The following DCXR variants were observed in gnomAD, a reference collection of about 807,000 sequenced individuals.
DCXR encodes L-xylulose reductase.
Under a neutral mutation model 25.9 loss-of-function variants are expected in DCXR, and 24 were observed. That is an observed-to-expected ratio of 0.93 (90% CI 0.67 to 1.30). The LOEUF (loss-of-function observed/expected upper bound fraction) is 1.30, where lower values mean the gene tolerates loss of function less well. Among genes scored for constraint, DCXR ranks in the 50% most tolerant of loss-of-function variants. DCXR has a pLI of 0.00. For synonymous variants in DCXR, 161 were observed against 141.7 expected, an observed-to-expected ratio of 1.14 and a Z score of -0.97; for missense variants, 348 against 333.7, an observed-to-expected ratio of 1.04 and a Z score of -0.33.
Position 82,036,304 on chromosome 17 carries a change from C to A in DCXR, c.518G>T (p.Arg173Leu), listed in dbSNP as rs140187930. Residue 173 changes from arginine (R) to leucine (L), a missense_variant, in exon 7 of 8, where the codon CGA (arginine) becomes CTA (leucine). By Grantham distance (102) the Arg-to-Leu change is moderately radical (BLOSUM62 -2). Transcript: ENST00000306869. Reference protein sequence around the residue: ...MALELGPHKIRVNAVNPTVVM... With the variant: ...MALELGPHKILVNAVNPTVVM... ...CACTGTGGGGTTTACTGCATTCACT[C>A]GGATCTACACCGGGACAGCTGGGGT... is the stretch of plus-strand genomic sequence containing the variant. 6.8e-7 allele frequency: 1 copy of A among 1,463,452 alleles called. No individual in the cohort carries two copies. The highest frequency in any genetic ancestry group is 1.7e-5 in the African/African-American group (1 of 57,482). The allele number at this position is 1,463,452 out of a possible 1,614,324, so 90.7% of individuals were successfully genotyped here.
Position 82,037,686 on chromosome 17 carries a change from G to C in DCXR, c.-4C>G, listed in dbSNP as rs1283885523. On this transcript the variant is annotated 5_prime_UTR_variant, in exon 1 of 8. Transcript: ENST00000306869. ...GGCCCGCGAGGAACAGCTCCATGTCGGCGCAGTCTCCGCCCTCCGCACTGG... is the reference window on the plus strand; with the variant it reads ...GGCCCGCGAGGAACAGCTCCATGTCCGCGCAGTCTCCGCCCTCCGCACTGG... 4 of 1,589,248 alleles carry C rather than the reference G, an allele frequency of 2.5e-6. No homozygotes were observed. Among genetic ancestry groups the C allele is most frequent in the East Asian group, 2.3e-5 (1 of 44,426 alleles).
intron 2 of DCXR, 106 bp from the exon 3 acceptor site, chr17:82,037,119 G>A: frequency 1.4e-6 from 2 of 1,419,470 alleles, no homozygotes; most frequent in East Asian, 2.5e-5. Context: ...GGAGTTAGGA[G>A]TTCCGAAGGT....
intron 5 of DCXR, 37 bp from the exon 6 acceptor site, chr17:82,036,485 C>CGGTGATGAGGGCGAGGCTGGGGCT (rs761071627): frequency 6.2e-7 from 1 of 1,612,172 alleles, no homozygotes; most frequent in Non-Finnish European, 8.5e-7. Flanking sequence ...GGGCTGGGGT[C>CGGTGATGAGGGCGAGGCTGGGGCT]GGTGATGAGG....
rs778134574 is a variant in DCXR at position 82,037,454 on chromosome 17, C to A, written c.146G>T (p.Arg49Leu). 1 of 1,527,666 alleles carries A rather than the reference C, an allele frequency of 6.5e-7. No homozygotes were observed. Among genetic ancestry groups the A allele is most frequent in the South Asian group, 1.2e-5 (1 of 83,122 alleles). The allele number at this position is 1,527,666 out of a possible 1,614,324, so 94.6% of individuals were successfully genotyped here. The change falls in exon 2 of 8, where the codon CGC becomes CTC. Residue 49 changes from arginine to leucine, a missense_variant. Transcript: ENST00000306869. The stretch of plus-strand genomic sequence containing the variant: ...CTGGGACCCGGCGGGACCTACCTCG[C>A]GGACAAGGCTGTCAAGATCCGCCTG... ...RTQADLDSLVRECPGIEPVCV... is the reference protein window; with the variant it reads ...RTQADLDSLVLECPGIEPVCV...
chr17:82,036,635 G>A lies in DCXR; in HGVS notation c.357C>T (p.Ala119=). The change falls in exon 5 of 8, where the codon GCC becomes GCT. Residue 119 remains alanine (A), a synonymous_variant. Transcript: ENST00000306869. ...GGACTCCCCGGGCTATTAAGCCCCT[G>A]GCCACAATCTGGAATCGCAGCGAGA... is the stretch of plus-strand genomic sequence containing the variant. The part of the protein sequence containing the change: ...RAVIQVSQIV[A]RGLIARGVPG... The A allele has an allele frequency of 1.2e-6, 2 of 1,613,298 alleles. No homozygotes were observed. The highest frequency in any genetic ancestry group is 1.7e-6 in the Non-Finnish European group (2 of 1,179,976).
intron 2 of DCXR, 64 bp downstream of exon 2, chr17:82,037,386 C>A: frequency 6.8e-7 from 1 of 1,468,522 alleles, no homozygotes; most frequent in Non-Finnish European, 9.1e-7. Flanking sequence ...GAGGTACCGC[C>A]CCCGCTCGCT....
chr17:82,036,238 T>TG lies in DCXR; in HGVS notation c.583dup (p.His195ProfsTer17), dbSNP rs747887427. On this transcript the variant is annotated frameshift_variant, in exon 7 of 8. Transcript: ENST00000306869. LOFTEE classifies it high-confidence loss of function. ...TCGGTTCAGCATAGTCTTGGCCTTG[T>TG]GGGGGTCACTCCAGGTGGCCTGGCC... The TG allele has an allele frequency of 6.8e-6, 11 of 1,613,626 alleles. No individual in the cohort carries two copies. The highest frequency in any genetic ancestry group is 1.3e-5 in the African/African-American group (1 of 75,026).
In DCXR at chr17:82,037,481, G is replaced by A. The variant is rs949500817; in HGVS notation, c.119C>T (p.Thr40Ile). 6 of 1,535,728 alleles carry A rather than the reference G, an allele frequency of 3.9e-6. No individual in the cohort carries two copies. The African/African-American group carries it at 5.6e-5, about 14-fold the overall frequency. The change falls in exon 2 of 8, where the codon ACT becomes ATT. Residue 40 changes from threonine to isoleucine, a missense_variant. Coordinates refer to ENST00000306869, the MANE Select transcript of DCXR (RefSeq NM_016286.4). ...TGARVVAVSRTQADLDSLVRE... is the reference protein window; with the variant it reads ...TGARVVAVSRIQADLDSLVRE... ...GACAAGGCTGTCAAGATCCGCCTGAGTCCGGCTCACAGCCACCACCCGCGC... is the reference window on the plus strand; with the variant it reads ...GACAAGGCTGTCAAGATCCGCCTGAATCCGGCTCACAGCCACCACCCGCGC...
chr17:82,037,611 C>A lies in DCXR; in HGVS notation c.52+20G>T. The A allele has an allele frequency of 6.4e-7, 1 of 1,558,030 alleles. No individual in the cohort carries two copies. The highest frequency in any genetic ancestry group is 8.6e-7 in the Non-Finnish European group (1 of 1,164,638). On this transcript the variant is annotated intron_variant, in intron 1 of 7. Coordinates refer to ENST00000306869, the MANE Select transcript of DCXR (RefSeq NM_016286.4). ...CCTCTGCCCGCCGCCGGCCTTTGCC[C>A]ACCTTTCCCCGCCGCCCACCTTTGC...
Position 82,035,902 on chromosome 17 carries a change from T to G in DCXR, c.*58A>C. ...AGTCTGGGCAGCAGAATCAGGTTTA[T>G]TGGAGGGATTGGGGGTAGGATGAGC... On this transcript the variant is annotated 3_prime_UTR_variant, in exon 8 of 8. Transcript: ENST00000306869. 1.4e-6 allele frequency: 2 copies of G among 1,430,158 alleles called. No homozygotes were observed. Among genetic ancestry groups the G allele is most frequent in the Non-Finnish European group, 2.0e-6 (2 of 1,020,038 alleles). The allele number at this position is 1,430,158 out of a possible 1,614,324, so 88.6% of individuals were successfully genotyped here.
chr17:82,036,346 G>T, intron 6 of DCXR, 38 bp from the exon 7 acceptor site: 1 of 1,613,208 alleles, frequency 6.2e-7, no homozygotes, highest in Non-Finnish European at 8.5e-7. Flanking sequence ...GGCAAGTGGG[G>T]TGTCCTAGGT....
Position 82,037,585 on chromosome 17 carries a change from GCCTCTGCCCGCCGCCGGCCTTTGCCCA to G in DCXR, c.52+19_53-39del, listed in dbSNP as rs778541900. On this transcript the variant is annotated intron_variant, in intron 1 of 7. Coordinates refer to ENST00000306869, the MANE Select transcript of DCXR (RefSeq NM_016286.4). Reference sequence around the variant, plus strand: ...GGCTCAGTGAAGGCGTCCCCTGCCCGCCTCTGCCCGCCGCCGGCCTTTGCCCACCTTTCCCCGCCGCCCACCTTTGCC... The same window carrying G: ...GGCTCAGTGAAGGCGTCCCCTGCCCGCCTTTCCCCGCCGCCCACCTTTGCC... 1.2e-5 allele frequency: 19 copies of G among 1,551,356 alleles called. No individual in the cohort carries two copies. Among genetic ancestry groups the G allele is most frequent in the Non-Finnish European group, 1.6e-5 (18 of 1,155,702 alleles).
At position 82,037,535 on chromosome 17, in the gene DCXR, C is replaced by A; in HGVS notation, c.65G>T (p.Gly22Val). Residue 22 changes from glycine (G) to valine (V), a missense_variant, in exon 2 of 8, where the codon GGC becomes GTC. By Grantham distance (109) the Gly-to-Val change is moderately radical. Coordinates refer to ENST00000306869, the MANE Select transcript of DCXR (RefSeq NM_016286.4). The stretch of plus-strand genomic sequence containing the variant: ...CGTCGCGTGCAGCGCCTGGACCGTG[C>A]CGCGCCCTATACCTGCCGGGAGCGG... Reference protein sequence around the residue: ...VTGAGKGIGRGTVQALHATGA... With the variant: ...VTGAGKGIGRVTVQALHATGA... The A allele has an allele frequency of 6.5e-7, 1 of 1,544,908 alleles. No individual in the cohort carries two copies. The highest frequency in any genetic ancestry group is 8.7e-7 in the Non-Finnish European group (1 of 1,151,698).
intron 7 of DCXR, 50 bp downstream of exon 7, chr17:82,036,141 A>G (rs756000092): frequency 2.5e-6 from 4 of 1,600,778 alleles, no homozygotes; most frequent in South Asian, 2.2e-5. Flanking sequence ...TACCCAGGGC[A>G]CACACAGGGA....
intron 2 of DCXR, 61 bp downstream of exon 2, chr17:82,037,389 C>A (rs1417250569): frequency 1.4e-6 from 2 of 1,475,466 alleles, no homozygotes; most frequent in South Asian, 2.5e-5. Flanking sequence ...GTACCGCCCC[C>A]GCTCGCTGCC....
chr17:82,036,663 G>A lies in DCXR; in HGVS notation c.349-20C>T, dbSNP rs771858493. 59 of 1,613,288 alleles carry A rather than the reference G, an allele frequency of 3.7e-5. No homozygotes were observed. Among genetic ancestry groups the A allele is most frequent in the South Asian group, 2.3e-4 (21 of 91,090 alleles). On this transcript the variant is annotated intron_variant, in intron 4 of 7. Transcript: ENST00000306869. ...CACAATCTGGAATCGCAGCGAGACCGTGAGGCAGAGCTGGCATCACTCACG... is the reference window on the plus strand; with the variant it reads ...CACAATCTGGAATCGCAGCGAGACCATGAGGCAGAGCTGGCATCACTCACG...
rs1235217632 is a variant in DCXR at position 82,035,941 on chromosome 17, T to G, written c.*19A>C. 3 of 1,602,636 alleles carry G rather than the reference T, an allele frequency of 1.9e-6. No individual in the cohort carries two copies. Among genetic ancestry groups the G allele is most frequent in the African/African-American group, 1.3e-5 (1 of 74,758 alleles). Reference sequence around the variant, plus strand: ...GGTAGGATGAGCACGGCATGGGGCTTGAGGTGTGTGGAGGGAGCTCAGCAG... The same window carrying G: ...GGTAGGATGAGCACGGCATGGGGCTGGAGGTGTGTGGAGGGAGCTCAGCAG... On this transcript the variant is annotated 3_prime_UTR_variant, in exon 8 of 8. Coordinates refer to ENST00000306869, the MANE Select transcript of DCXR (RefSeq NM_016286.4).
intron 4 of DCXR, 35 bp from the exon 5 acceptor site, chr17:82,036,678 C>T: frequency 6.2e-7 from 1 of 1,613,466 alleles, no homozygotes; most frequent in African/African-American, 1.3e-5. Flanking sequence ...GCAGAGCTGG[C>T]ATCACTCACG....
intron 2 of DCXR, 138 bp from the exon 3 acceptor site, chr17:82,037,151 G>A: frequency 1.7e-6 from 2 of 1,170,180 alleles, no homozygotes; most frequent in Non-Finnish European, 2.4e-6. Context: ...GGGGCCAGCA[G>A]CCGGGCGCTA....
Sources: gnomAD v4.1 joint callset for allele counts on GRCh38, gnomAD v4.1.1 for gene constraint, MANE v1.5 for transcripts, NCBI Gene and HGNC (gene_info 2026-07-23, HGNC 2026-07-21) for gene names.